MRTFB: variants seen among roughly 807,000 people sequenced by gnomAD.
MRTFB encodes the protein myocardin related transcription factor B, also known as myocardin-related transcription factor B.
Under a neutral mutation model 104.2 loss-of-function variants are expected in MRTFB, and 29 were observed. The ratio of observed to expected loss-of-function variants is 0.28; its 90% CI spans 0.21 to 0.38. MRTFB has a LOEUF of 0.38. MRTFB is among the 10% of genes least tolerant of loss of function. The pLI is 1.00. For missense variants in MRTFB, 1,270 were observed against 1,341.6 expected, an observed-to-expected ratio of 0.95 and a Z score of 0.83; for synonymous variants, 535 against 519.5, an observed-to-expected ratio of 1.03 and a Z score of -0.41.
Position 14,255,084 on chromosome 16 carries a change from C to T in MRTFB, c.2703+2582C>T, listed in dbSNP as rs544186959. ...ATGGCAGGGGAAAAAATGTCATGAA[C>T]CTGAAGATAGATCATAACTTATCCA... On this transcript the variant is annotated intron_variant, in intron 15 of 16. Transcript: ENST00000571589. Among the ~76,000 whole-genome samples, 4 of 152,152 alleles carry T rather than the reference C, an allele frequency of 2.6e-5. No individual in the cohort carries two copies. The South Asian group carries it at 8.3e-4, about 32-fold the overall frequency.
chr16:14,145,019 G>A (rs544093275), intron 3 of MRTFB, among the ~76,000 whole-genome samples: 24 of 145,196 alleles, frequency 1.7e-4, no homozygotes, highest in Non-Finnish European at 2.4e-4. Flanking sequence ...TATAACTTTT[G>A]TCAGTTTCAA....
chr16:14,162,151 A>C (rs1429971520), intron 3 of MRTFB, among the ~76,000 whole-genome samples: 11 of 125,112 alleles, frequency 8.8e-5, no homozygotes, highest in Non-Finnish European at 6.4e-5. Context: ...CCCTGTCTCT[A>C]CAAAAAAAAA....
chr16:14,210,456 C>T (rs778292116), intron 4 of MRTFB, 148 bp downstream of exon 4: 3 of 584,610 alleles, frequency 5.1e-6, no homozygotes, highest in South Asian at 5.9e-5. Context: ...AATCAGGCAC[C>T]TAAGTGAATC....
chr16:14,052,734 C>G, the MRTFB span, among the ~76,000 whole-genome samples: 4 of 136,780 alleles, frequency 2.9e-5, no homozygotes, highest in East Asian at 8.2e-4. Flanking sequence ...AGCAAAACTC[C>G]ATCTCAAAAA....
At chr16:14,157,110 A>G (rs1421954297) in intron 3 of MRTFB, among the ~76,000 whole-genome samples, 1 of 152,204 alleles carries the variant, frequency 6.6e-6, no homozygotes, top group Non-Finnish European at 1.5e-5. Flanking sequence ...TAGTACTTTT[A>G]TATCAATGAA....
intron 9 of MRTFB, among the ~76,000 whole-genome samples, chr16:14,237,368 A>AAGGG (rs2151338926): frequency 6.6e-6 from 1 of 152,174 alleles, no homozygotes; most frequent in East Asian, 1.9e-4. Context: ...TTTCAAGAAG[A>AAGGG]AGGGAGAGGG....
the MRTFB span, among the ~76,000 whole-genome samples, chr16:14,036,080 G>A: frequency 7.4e-6 from 1 of 134,326 alleles, no homozygotes; most frequent in Non-Finnish European, 1.5e-5. Context: ...TGGCTGAGTA[G>A]TATTCCATCA....
At chr16:14,045,854 G>T in the MRTFB span, among the ~76,000 whole-genome samples, 1 of 151,988 alleles carries the variant, frequency 6.6e-6, no homozygotes, top group Non-Finnish European at 1.5e-5. Flanking sequence ...TAAAAGTGAG[G>T]TTTTTTTTGT....
At chr16:14,252,919 A>G (rs767023768) in intron 15 of MRTFB, among the ~76,000 whole-genome samples, 1 of 152,114 alleles carries the variant, frequency 6.6e-6, no homozygotes, top group Non-Finnish European at 1.5e-5. Context: ...ACCAGCACCT[A>G]AATTGACTTG....
rs1350629761 is a variant in MRTFB, at chr16:14,266,757, A to G, written c.*5313A>G. On this transcript the variant is annotated 3_prime_UTR_variant, in exon 17 of 17. Transcript: ENST00000571589. ...ATTTTGCATTTTTGTGTCTCAAATA[A>G]AAGACATTTTGATGTACTATGATTC... 4 of 152,248 alleles carry G rather than the reference A, an allele frequency of 2.6e-5. No homozygotes were observed. Among genetic ancestry groups the G allele is most frequent in the Non-Finnish European group, 5.9e-5 (4 of 68,040 alleles). 9.4% of individuals were successfully genotyped at this position (152,248 alleles called of 1,614,324 possible). A position where few individuals can be genotyped will look rare whatever the true frequency, so the allele number is the denominator to read the frequency against.
At chr16:14,252,085 C>T in intron 14 of MRTFB, 62 bp downstream of exon 14, 1 of 1,563,884 alleles carries the variant, frequency 6.4e-7, no homozygotes, top group Middle Eastern at 1.7e-4. Flanking sequence ...CATTCCAAAG[C>T]CTAGTGCTTT....
chr16:14,258,499 G>A (rs773450296), intron 16 of MRTFB, among the ~76,000 whole-genome samples: 1 of 152,186 alleles, frequency 6.6e-6, no homozygotes, highest in Non-Finnish European at 1.5e-5. Context: ...GGAAGTTGAG[G>A]TAGGAAGATT....
rs1317399023 is a variant in MRTFB, at chr16:14,234,226, T to G, written c.774T>G (p.Ala258=). Reference sequence around the variant, plus strand: ...ATCAGCCTCCCCCACGGCCTGCAGCTCCTGTCCTCCCCACAAACACTGTGT... The same window carrying G: ...ATCAGCCTCCCCCACGGCCTGCAGCGCCTGTCCTCCCCACAAACACTGTGT... ...TADQPPPRPA[A]PVLPTNTVSS... is the part of the protein sequence containing the mutation. The change falls in exon 9 of 17, where the codon GCT becomes GCG. Residue 258 remains alanine (A), a synonymous_variant. Coordinates refer to ENST00000571589, the MANE Select transcript of MRTFB (RefSeq NM_001308142.2). The G allele has an allele frequency of 6.2e-7, 1 of 1,614,008 alleles. No individual in the cohort carries two copies. Among genetic ancestry groups the G allele is most frequent in the African/African-American group, 1.3e-5 (1 of 74,910 alleles).
chr16:14,200,742 G>A (rs2040659752), intron 3 of MRTFB: 1 of 1,500,340 alleles, frequency 6.7e-7, no homozygotes, highest in Non-Finnish European at 9.3e-7. Context: ...TTTTGGTTGG[G>A]ACTTGTTGCC....
At chr16:14,031,809 CT>C in the MRTFB span, among the ~76,000 whole-genome samples, 1 of 151,738 alleles carries the variant, frequency 6.6e-6, no homozygotes, top group South Asian at 2.1e-4. Flanking sequence ...CGTGAGGTGA[CT>C]TTTTTTTATC....
chr16:14,236,505 C>T (rs988140245), intron 9 of MRTFB, among the ~76,000 whole-genome samples: 8 of 152,116 alleles, frequency 5.3e-5, no homozygotes, highest in African/African-American at 7.2e-5. Context: ...GAGAGTGTGC[C>T]GGGTGGTGAT....
At chr16:14,201,147 CCAG>C (rs2040683328) in intron 3 of MRTFB, among the ~76,000 whole-genome samples, 1 of 152,130 alleles carries the variant, frequency 6.6e-6, no homozygotes, top group Non-Finnish European at 1.5e-5. Context: ...GTTTTTATTT[CCAG>C]CAGTTGGGGC....
At chr16:14,195,417 T>C (rs1306096642) in intron 3 of MRTFB, 1 of 619,900 alleles carries the variant, frequency 1.6e-6, no homozygotes, top group Non-Finnish European at 2.0e-6. Flanking sequence ...ACATTGCACA[T>C]GTGTGTGTAT....
rs1435560250 is a variant in MRTFB, at chr16:14,265,163, T to C, written c.*3719T>C. On this transcript the variant is annotated 3_prime_UTR_variant, in exon 17 of 17. Transcript: ENST00000571589. ...TCAGGTGGGGAGCTCATGGTGCCGC[T>C]GGGGACTTTTTAGAGAAATGTAAAG... The C allele has an allele frequency of 6.6e-6, 1 of 152,220 alleles. No homozygotes were observed. The highest frequency in any genetic ancestry group is 6.5e-5 in the Admixed American group (1 of 15,288). 9.4% of individuals were successfully genotyped at this position (152,220 alleles called of 1,614,324 possible).
Sources: allele counts gnomAD v4.1 joint callset (sites outside exome capture counted in the v4.1 genomes callset), GRCh38; gene constraint gnomAD v4.1.1; transcripts MANE v1.5; gene names NCBI Gene and HGNC (gene_info 2026-07-23, HGNC 2026-07-21).